The following SLC2A7 variants were observed in gnomAD, a reference collection of about 807,000 sequenced individuals.
SLC2A7 encodes solute carrier family 2, facilitated glucose transporter member 7.
Under a neutral mutation model 50.5 loss-of-function variants are expected in SLC2A7, and 50 were observed. The ratio of observed to expected loss-of-function variants is 0.99; its 90% CI spans 0.79 to 1.25. SLC2A7 has a LOEUF of 1.25. Among genes scored for constraint, SLC2A7 ranks in the 50% most tolerant of loss-of-function variants. The pLI, the probability that SLC2A7 is intolerant of heterozygous loss-of-function variation, is 0.00. For missense variants in SLC2A7, 683 were observed against 679.1 expected (o/e 1.01, Z -0.06); for synonymous variants, 308 against 300.4 (o/e 1.03, Z -0.26).
downstream of SLC2A7, among the ~76,000 whole-genome samples, chr1:9,000,311 A>T (rs554064711): frequency 5.3e-4 from 80 of 151,920 alleles, no homozygotes; most frequent in African/African-American, 1.9e-3. Flanking sequence ...ACAGAGCGAG[A>T]CCCTGTCTCT....
the SLC2A7 span, among the ~76,000 whole-genome samples, chr1:8,997,036 C>T: frequency 1.3e-5 from 2 of 152,144 alleles, no homozygotes; most frequent in Non-Finnish European, 2.9e-5. Context: ...CCTCGGACTC[C>T]TAAAGTGCTG....
chr1:9,024,749 C>T (rs561939403), intron 2 of SLC2A7, among the ~76,000 whole-genome samples: 1 of 152,252 alleles, frequency 6.6e-6, no homozygotes, highest in African/African-American at 2.4e-5. Flanking sequence ...CCCAGCATCC[C>T]AATGTGCCCG....
chr1:9,000,666 T>G (rs1640561342), downstream of SLC2A7, among the ~76,000 whole-genome samples: 1 of 151,928 alleles, frequency 6.6e-6, no homozygotes. Context: ...GGTCTAATTC[T>G]CAACACAACC....
Position 9,022,782 on chromosome 1 carries a change from G to T in SLC2A7, c.311+136C>A, listed in dbSNP as rs897189988. ...GGACTGGTTTAAGGTCATGATGACTGTGGCCAAGCGGAGACTAGACTTCAG... is the reference window on the plus strand; with the variant it reads ...GGACTGGTTTAAGGTCATGATGACTTTGGCCAAGCGGAGACTAGACTTCAG... On this transcript the variant is annotated intron_variant, in intron 3 of 11. Coordinates refer to ENST00000400906, the MANE Select transcript of SLC2A7 (RefSeq NM_207420.3). 45 of 1,176,776 alleles carry T rather than the reference G, an allele frequency of 3.8e-5. No individual in the cohort carries two copies. The Admixed American group carries it at 5.6e-4, about 15-fold the overall frequency. 72.9% of individuals were successfully genotyped at this position (1,176,776 alleles called of 1,614,324 possible).
At chr1:9,023,160 C>T (rs1450695464) in intron 2 of SLC2A7, 82 bp from the exon 3 acceptor site, 1 of 1,471,866 alleles carries the variant, frequency 6.8e-7, no homozygotes, top group African/African-American at 1.4e-5. Context: ...GGCCACTTGT[C>T]ATTGTACAGA....
downstream of SLC2A7, among the ~76,000 whole-genome samples, chr1:8,999,681 G>A (rs1640549883): frequency 6.6e-6 from 1 of 152,216 alleles, no homozygotes; most frequent in Admixed American, 6.5e-5. Context: ...AAGGCTGTGG[G>A]AACAGAACTC....
intron 3 of SLC2A7, 134 bp from the exon 4 acceptor site, chr1:9,019,467 C>A: frequency 7.7e-7 from 1 of 1,292,384 alleles, no homozygotes; most frequent in Non-Finnish European, 1.0e-6. Context: ...AAGCAGGGGG[C>A]CGTGGACTGA....
chr1:9,009,055 A>G (rs1453043115), intron 9 of SLC2A7, among the ~76,000 whole-genome samples: 2 of 152,194 alleles, frequency 1.3e-5, no homozygotes, highest in South Asian at 2.1e-4. Context: ...TCTTTCCCAC[A>G]TGGAGCTCTC....
downstream of SLC2A7, among the ~76,000 whole-genome samples, chr1:9,002,234 C>G (rs775917086): frequency 3.3e-5 from 5 of 152,146 alleles, no homozygotes; most frequent in Non-Finnish European, 5.9e-5. Context: ...CCCAGCCCGA[C>G]ACCCGTAAAG....
At position 9,003,481 on chromosome 1, in the gene SLC2A7, C is replaced by A; in HGVS notation, c.1358G>T (p.Gly453Val). 4.3e-6 allele frequency: 7 copies of A among 1,614,170 alleles called. No individual in the cohort carries two copies. Among genetic ancestry groups the A allele is most frequent in the Non-Finnish European group, 5.1e-6 (6 of 1,180,030 alleles). Residue 453 changes from glycine (G) to valine (V), a missense_variant, in exon 12 of 12, where the codon GGA (glycine) becomes GTA (valine). Physicochemically the swap from Gly to Val is moderately radical, Grantham distance 109. Coordinates refer to ENST00000400906, the MANE Select transcript of SLC2A7 (RefSeq NM_207420.3). ...IGAYSFIIFA[G>V]ICLLTAIYIY... ...GTAAATCGCAGTGAGGAGGCAGATT[C>A]CGGCAAAGATGATGAAACTGTAGGC...
intron 1 of SLC2A7, among the ~76,000 whole-genome samples, chr1:9,026,070 T>C (rs549631441): frequency 6.6e-6 from 1 of 152,298 alleles, no homozygotes; most frequent in South Asian, 2.1e-4. Flanking sequence ...TCCAGCACCA[T>C]CCGCTCTCCC....
Position 9,008,129 on chromosome 1 carries a change from C to T in SLC2A7, c.1117-744G>A, listed in dbSNP as rs1640685012. On this transcript the variant is annotated intron_variant, in intron 9 of 11. Transcript: ENST00000400906. The surrounding 1 kb of genome is among the most constrained non-coding windows in gnomAD (Gnocchi z 5.9). ...CTGCTCCCAACTGCCGAGAGAACAG[C>T]CAATGCAAAACCGGGTCAACGGACT... is the stretch of plus-strand genomic sequence containing the variant. Among the ~76,000 whole-genome samples the T allele has an allele frequency of 6.6e-6, 1 of 152,014 alleles. No homozygotes were observed. The highest frequency in any genetic ancestry group is 6.6e-5 in the Admixed American group (1 of 15,250).
At chr1:9,004,925 T>A (rs910356474) in intron 10 of SLC2A7, 46 bp from the exon 11 acceptor site, 2 of 1,591,898 alleles carry the variant, frequency 1.3e-6, no homozygotes, top group African/African-American at 2.7e-5. Context: ...GACCCAGGTG[T>A]CCCCCAGGGC....
At chr1:9,009,554 T>C (rs1244804211) in intron 9 of SLC2A7, among the ~76,000 whole-genome samples, 1 of 152,218 alleles carries the variant, frequency 6.6e-6, no homozygotes, top group Non-Finnish European at 1.5e-5. Flanking sequence ...CCTCCCAGGC[T>C]CAGGTGATCC....
the SLC2A7 span, among the ~76,000 whole-genome samples, chr1:8,993,233 T>C: frequency 6.6e-6 from 1 of 152,202 alleles, no homozygotes; most frequent in African/African-American, 2.4e-5. Flanking sequence ...GTATTCACTA[T>C]TATGAGACTA....
In SLC2A7 at chr1:9,020,673, C is replaced by CTTTTT. The variant is rs201609038; in HGVS notation, c.312-1341_312-1340insAAAAA. 2.9e-5 allele frequency among the ~76,000 whole-genome samples: 4 copies of CTTTTT among 138,346 alleles called. 1 individual carries two copies. The highest frequency in any genetic ancestry group is 5.4e-5 in the African/African-American group (2 of 36,726). 90.8% of individuals were successfully genotyped at this position (138,346 alleles called of 152,430 possible). ...GCTGGCTGGTGCATCCTGATATTCT[C>CTTTTT]TCTTTTTTTTTTTTTTGAGATGGAG... On this transcript the variant is annotated intron_variant, in intron 3 of 11. Transcript: ENST00000400906.
chr1:9,021,552 G>T (rs1001848005), intron 3 of SLC2A7, among the ~76,000 whole-genome samples: 1 of 152,164 alleles, frequency 6.6e-6, no homozygotes, highest in Admixed American at 6.5e-5. Flanking sequence ...ACTCTATGAA[G>T]ATATCCCAGG....
At position 9,025,061 on chromosome 1, in the gene SLC2A7, G is replaced by A. The variant is rs748205590; in HGVS notation, c.65C>T (p.Thr22Met). 9.0e-5 allele frequency: 145 copies of A among 1,612,722 alleles called. No individual in the cohort carries two copies. Among genetic ancestry groups the A allele is most frequent in the Non-Finnish European group, 1.1e-4 (134 of 1,179,848 alleles). Residue 22 changes from threonine (T) to methionine (M), a missense_variant, in exon 2 of 12, where the codon ACG becomes ATG. By Grantham distance (81) the Thr-to-Met change is moderately conservative. Coordinates refer to ENST00000400906, the MANE Select transcript of SLC2A7 (RefSeq NM_207420.3). ...IPSREGRLQPTLLLATLSAAF... is the reference protein window; with the variant it reads ...IPSREGRLQPMLLLATLSAAF... ...CGCGCTCAGTGTCGCCAGCAACAGC[G>A]TCGGCTGGAGCCGCTGTAGGAGACA...
intron 8 of SLC2A7, among the ~76,000 whole-genome samples, chr1:9,013,283 G>T (rs1287997058): frequency 6.6e-6 from 1 of 152,220 alleles, no homozygotes; most frequent in Non-Finnish European, 1.5e-5. Context: ...GCTCGCCTTG[G>T]CCTTCCGAAG....
Sources: allele counts gnomAD v4.1 joint callset (sites outside exome capture counted in the v4.1 genomes callset), GRCh38; gene constraint gnomAD v4.1.1; non-coding constraint Gnocchi (gnomAD v3.1); transcripts MANE v1.5; gene names NCBI Gene and HGNC (gene_info 2026-07-23, HGNC 2026-07-21).